C8orf34: variants seen among roughly 807,000 people sequenced by gnomAD.
C8orf34 encodes the protein chromosome 8 open reading frame 34, also known as uncharacterized protein C8orf34.
In C8orf34, 65 loss-of-function variants were observed where a neutral mutation model predicts 68.3. The observed-to-expected ratio is 0.95, with a 90% CI of 0.78 to 1.17. The LOEUF (loss-of-function observed/expected upper bound fraction) is 1.17, where lower values mean the gene tolerates loss of function less well. Among genes scored for constraint, C8orf34 ranks in the 50% most tolerant of loss-of-function variants. C8orf34 has a pLI of 0.00. For missense variants in C8orf34, 664 were observed against 655.4 expected, an observed-to-expected ratio of 1.01 and a Z score of -0.14; for synonymous variants, 244 against 241.2, an observed-to-expected ratio of 1.01 and a Z score of -0.11.
rs561686130 is a variant in C8orf34 at position 68,663,124 on chromosome 8, T to C, written c.1241+22613T>C. 1.3e-4 allele frequency among the ~76,000 whole-genome samples: 20 copies of C among 152,346 alleles called. No individual in the cohort carries two copies. In the East Asian group the frequency reaches 3.5e-3, roughly 26 times the overall value. On this transcript the variant is annotated intron_variant, in intron 8 of 13. Transcript: ENST00000518698. Reference sequence around the variant, plus strand: ...AAATCATAGAAACTCTTACTAGAGATGGAATTTACATCAATCTGCATAACA... The same window carrying C: ...AAATCATAGAAACTCTTACTAGAGACGGAATTTACATCAATCTGCATAACA...
intron 4 of C8orf34, among the ~76,000 whole-genome samples, chr8:68,480,306 T>C (rs1283747200): frequency 6.6e-6 from 1 of 152,168 alleles, no homozygotes. Flanking sequence ...GAAATGTCTT[T>C]CACCTCCTGC....
At chr8:68,748,564 G>A (rs1258960825) in intron 10 of C8orf34, among the ~76,000 whole-genome samples, 2 of 151,948 alleles carry the variant, frequency 1.3e-5, no homozygotes, top group South Asian at 2.1e-4. Context: ...ACCCCATCAA[G>A]AAGTAGGCGA....
chr8:68,715,205 C>A (rs940846360), intron 9 of C8orf34, among the ~76,000 whole-genome samples: 32 of 151,980 alleles, frequency 2.1e-4, no homozygotes, highest in Admixed American at 2.1e-3. Flanking sequence ...CCCTTCCAGA[C>A]ATTAGCTTAA....
chr8:68,783,765 C>T (rs916644781), intron 11 of C8orf34, among the ~76,000 whole-genome samples: 2 of 152,022 alleles, frequency 1.3e-5, no homozygotes, highest in Non-Finnish European at 2.9e-5. Flanking sequence ...CCAACCACCT[C>T]GGGCACATGT....
At chr8:68,417,425 T>A (rs908987977) in intron 1 of C8orf34, among the ~76,000 whole-genome samples, 1 of 152,078 alleles carries the variant, frequency 6.6e-6, no homozygotes, top group Non-Finnish European at 1.5e-5. Flanking sequence ...TTAAATAAAC[T>A]TGTACAGCAC....
intron 1 of C8orf34, among the ~76,000 whole-genome samples, chr8:68,423,217 C>A (rs556444975): frequency 1.2e-4 from 18 of 152,252 alleles, no homozygotes; most frequent in Admixed American, 2.0e-4. Flanking sequence ...TGTCAGTCTG[C>A]AAATTTTCTA....
At chr8:68,490,061 T>G (rs1260489085) in intron 5 of C8orf34, among the ~76,000 whole-genome samples, 1 of 152,206 alleles carries the variant, frequency 6.6e-6, no homozygotes, top group East Asian at 1.9e-4. Context: ...TGTTCTGCTT[T>G]TCTAGTCCCC....
chr8:68,643,873 T>G (rs1220124904), intron 8 of C8orf34, among the ~76,000 whole-genome samples: 1 of 152,194 alleles, frequency 6.6e-6, no homozygotes, highest in Admixed American at 6.5e-5. Context: ...CTGATAACAC[T>G]GGGTCTATAT....
At chr8:68,622,159 GCCTCCCCAGTATTGCAACTTGTTT>G (rs1441609402) in intron 7 of C8orf34, among the ~76,000 whole-genome samples, 1 of 152,216 alleles carries the variant, frequency 6.6e-6, no homozygotes, top group Non-Finnish European at 1.5e-5. Flanking sequence ...TTGTGGTGTG[GCCTCCCCAGTATTGCAACTTGTTT>G]CACACAAGTG....
At chr8:68,350,193 T>A (rs1459883048) in intron 1 of C8orf34, among the ~76,000 whole-genome samples, 4 of 151,804 alleles carry the variant, frequency 2.6e-5, no homozygotes, top group Non-Finnish European at 4.4e-5. Flanking sequence ...TCAAAGAACT[T>A]CTAGATTACT....
rs149506668 is a variant in C8orf34 at position 68,420,007 on chromosome 8, A to G, written c.328-19492A>G. 8.7e-3 allele frequency among the ~76,000 whole-genome samples: 1,322 copies of G among 151,806 alleles called. 13 individuals carry two copies. The highest frequency in any genetic ancestry group is 0.014 in the Non-Finnish European group (948 of 67,906). ...AAAAAAAAAAAAGAAAAAAGACAAA[A>G]AAAAAAGAAAAGAAATTATCTGAGA... On this transcript the variant is annotated intron_variant, in intron 1 of 13. Coordinates refer to ENST00000518698, the MANE Select transcript of C8orf34 (RefSeq NM_052958.4).
At chr8:68,610,814 A>G (rs929200759) in intron 7 of C8orf34, among the ~76,000 whole-genome samples, 1 of 151,400 alleles carries the variant, frequency 6.6e-6, no homozygotes, top group Admixed American at 6.6e-5. Flanking sequence ...GATTAACTAG[A>G]AAAAAAATTG....
chr8:68,565,286 T>C (rs1816553032), intron 7 of C8orf34, among the ~76,000 whole-genome samples: 3 of 152,176 alleles, frequency 2.0e-5, no homozygotes, highest in Admixed American at 6.5e-5. Context: ...CTTTTGTCAG[T>C]GTAGGCCTTT....
At chr8:68,381,687 G>C (rs1258909593) in intron 1 of C8orf34, among the ~76,000 whole-genome samples, 3 of 129,372 alleles carry the variant, frequency 2.3e-5, no homozygotes, top group African/African-American at 8.8e-5. Flanking sequence ...AGCCGAGATT[G>C]CGCCACTGCA....
chr8:68,770,289 C>G (rs4427154), intron 10 of C8orf34, among the ~76,000 whole-genome samples: 43,407 of 152,032 alleles, frequency 0.29, 6,663 homozygotes, highest in African/African-American at 0.38. Flanking sequence ...AGATACCATG[C>G]CTAATAATTT....
chr8:68,710,654 C>T (rs756536490), intron 9 of C8orf34, among the ~76,000 whole-genome samples: 22 of 152,114 alleles, frequency 1.4e-4, no homozygotes, highest in Admixed American at 2.6e-4. Context: ...TGAGCTCAGA[C>T]GCACCTATCT....
rs146420593 is a variant in C8orf34 at position 68,722,187 on chromosome 8, A to G, written c.1404+750A>G. ...TCTGAGGTCTCCCTTTTTACCTTGCAGATAAATGTCTTCTCCCTGAGTCTT... is the reference window on the plus strand; with the variant it reads ...TCTGAGGTCTCCCTTTTTACCTTGCGGATAAATGTCTTCTCCCTGAGTCTT... On this transcript the variant is annotated intron_variant, in intron 10 of 13. Transcript: ENST00000518698. Among the ~76,000 whole-genome samples the G allele has an allele frequency of 4.4e-3, 672 of 152,150 alleles. 10 individuals are homozygous for G. Among genetic ancestry groups the G allele is most frequent in the African/African-American group, 0.015 (634 of 41,542 alleles).
intron 1 of C8orf34, among the ~76,000 whole-genome samples, chr8:68,361,932 T>C (rs1227464569): frequency 6.6e-6 from 1 of 152,242 alleles, no homozygotes; most frequent in East Asian, 1.9e-4. Flanking sequence ...GTTAAAGATC[T>C]ACTAACGTAC....
intron 8 of C8orf34, among the ~76,000 whole-genome samples, chr8:68,696,420 T>G (rs1189920995): frequency 6.6e-6 from 1 of 150,438 alleles, no homozygotes; most frequent in African/African-American, 2.4e-5. Context: ...CCCTATTTTT[T>G]ATTACCGGTC....
Sources: gnomAD v4.1 joint callset for allele counts (sites outside exome capture counted in the v4.1 genomes callset) on GRCh38, gnomAD v4.1.1 for gene constraint, MANE v1.5 for transcripts, NCBI Gene and HGNC (gene_info 2026-07-23, HGNC 2026-07-21) for gene names.